The following USP40 variants were observed in gnomAD, a reference collection of about 807,000 sequenced individuals.
The protein encoded by USP40 is ubiquitin specific peptidase 40.
USP40 carries 143 observed loss-of-function variants against 166.2 expected under a neutral mutation model. That is an observed-to-expected ratio of 0.86 (90% CI 0.75 to 0.99). USP40 has a LOEUF of 0.99. Ranked by LOEUF, USP40 falls within the 50% of genes least tolerant of loss-of-function variation. The pLI is 0.00. For synonymous variants in USP40, 498 were observed against 524.0 expected (o/e 0.95, Z 0.68); for missense variants, 1,444 against 1,479.7 (o/e 0.98, Z 0.40).
intron 12 of USP40, among the ~76,000 whole-genome samples, chr2:233,528,610 T>C (rs1440643404): frequency 6.6e-6 from 1 of 152,188 alleles, no homozygotes; most frequent in African/African-American, 2.4e-5. Flanking sequence ...CCAGACCACT[T>C]ATGCAGGTTA....
Position 233,477,397 on chromosome 2 carries a change from T to A in USP40, c.3706A>T (p.Arg1236Ter), listed in dbSNP as rs771595874. 6.2e-7 allele frequency: 1 copy of A among 1,613,550 alleles called. No individual in the cohort carries two copies. The highest frequency in any genetic ancestry group is 8.5e-7 in the Non-Finnish European group (1 of 1,179,734). Residue 1236 changes from arginine (R) to a stop codon, truncating the protein, a stop_gained, in exon 32 of 32, where the codon AGA (arginine) becomes TGA (stop). Coordinates refer to ENST00000678225, the MANE Select transcript of USP40 (RefSeq NM_001365479.2). LOFTEE classifies it high-confidence loss of function. Reference protein sequence around the residue: ...TSLSIHVGSFR With the variant: ...TSLSIHVGSF The stretch of plus-strand genomic sequence containing the variant: ...AGAGCCGTGCAGCGGCGCGGTTATC[T>A]GAAGCTCCCCACGTGGATGGAGAGA...
At chr2:233,490,637 T>C (rs1264213065) in intron 26 of USP40, among the ~76,000 whole-genome samples, 1 of 152,212 alleles carries the variant, frequency 6.6e-6, no homozygotes, top group African/African-American at 2.4e-5. Context: ...CAACACTGCA[T>C]TGTGCTTAAT....
chr2:233,526,937 A>C (rs2125242748), intron 13 of USP40, among the ~76,000 whole-genome samples: 1 of 152,346 alleles, frequency 6.6e-6, no homozygotes, highest in East Asian at 1.9e-4. Flanking sequence ...AATGACTTGG[A>C]GACTACAGCA....
chr2:233,499,788 AT>A (rs976730635), intron 22 of USP40, 90 bp downstream of exon 22: 197 of 1,069,518 alleles, frequency 1.8e-4, no homozygotes, highest in Admixed American at 2.8e-4. Flanking sequence ...CACCCTATAA[AT>A]TTTTTTTTCC....
At chr2:233,541,112 G>C (rs545961335) in intron 9 of USP40, among the ~76,000 whole-genome samples, 5 of 152,144 alleles carry the variant, frequency 3.3e-5, no homozygotes, top group African/African-American at 9.7e-5. Flanking sequence ...GAAGAGATAC[G>C]TAAGTACAAA....
chr2:233,493,423 A>G lies in USP40; in HGVS notation c.2917+2T>C. 1 of 1,613,854 alleles carries G rather than the reference A, an allele frequency of 6.2e-7. No homozygotes were observed. Among genetic ancestry groups the G allele is most frequent in the Non-Finnish European group, 8.5e-7 (1 of 1,179,828 alleles). Reference sequence around the variant, plus strand: ...GCTGCTGAAATCCCATTCTGTTCTCACCTTGGCTGGAAGTGGCTCTCCAAA... The same window carrying G: ...GCTGCTGAAATCCCATTCTGTTCTCGCCTTGGCTGGAAGTGGCTCTCCAAA... On this transcript the variant is annotated splice_donor_variant, in intron 25 of 31. Transcript: ENST00000678225. LOFTEE classifies it high-confidence loss of function. This position sits in a 1 kb window ranked among gnomAD's most constrained non-coding sequence, Gnocchi z 4.7.
At chr2:233,500,616 A>C (rs958560592) in intron 21 of USP40, among the ~76,000 whole-genome samples, 18 of 152,274 alleles carry the variant, frequency 1.2e-4, no homozygotes, top group South Asian at 4.1e-4. Flanking sequence ...GGCAAAAAAA[A>C]CCCCACCAAA....
At chr2:233,504,949 C>T (rs1193935197) in intron 21 of USP40, among the ~76,000 whole-genome samples, 1 of 152,058 alleles carries the variant, frequency 6.6e-6, no homozygotes, top group Non-Finnish European at 1.5e-5. Context: ...ATAGAGCATA[C>T]ATTAGACCAC....
At chr2:233,537,407 A>G (rs1051761287) in intron 10 of USP40, among the ~76,000 whole-genome samples, 1 of 152,170 alleles carries the variant, frequency 6.6e-6, no homozygotes, top group Non-Finnish European at 1.5e-5. Flanking sequence ...TGAAGAAATA[A>G]TGGCCAAAAT....
chr2:233,560,257 C>G (rs923496434), intron 3 of USP40, among the ~76,000 whole-genome samples: 1 of 152,182 alleles, frequency 6.6e-6, no homozygotes, highest in Admixed American at 6.5e-5. Flanking sequence ...TAAAATACCT[C>G]TGATACACAC....
chr2:233,510,070 T>C lies in USP40; in HGVS notation c.2592A>G (p.Glu864=), dbSNP rs770626817. The C allele has an allele frequency of 1.2e-5, 19 of 1,596,330 alleles. No individual in the cohort carries two copies. Among genetic ancestry groups the C allele is most frequent in the Non-Finnish European group, 1.6e-5 (19 of 1,170,462 alleles). The change falls in exon 21 of 32, where the codon GAA becomes GAG. Residue 864 remains glutamate (E), a synonymous_variant. Transcript: ENST00000678225. ...TTACATCTCTCACAGATATTGTTTC[T>C]TCTACTACGATTTCCATTTCTGTCC... ...QPGTEMEIVV[E]ETISVRDCLK...
In USP40 at chr2:233,551,428, G is replaced by C. The variant is rs2070549482; in HGVS notation, c.785C>G (p.Thr262Ser). 2 of 1,612,760 alleles carry C rather than the reference G, an allele frequency of 1.2e-6. No homozygotes were observed. The highest frequency in any genetic ancestry group is 1.7e-6 in the Non-Finnish European group (2 of 1,179,444). The change falls in exon 7 of 32, where the codon ACT (threonine) becomes AGT (serine). Residue 262 changes from threonine to serine, a missense_variant. By Grantham distance (58) the Thr-to-Ser change is moderately conservative. Coordinates refer to ENST00000678225, the MANE Select transcript of USP40 (RefSeq NM_001365479.2). ...CCGGAGAGGGAATGTATAACAGCTA[G>C]TTTCCTTGTAGCGTTCGCATTTCAC... The part of the protein sequence containing the change: ...DFVKCERYKE[T>S]SCYTFPLRIN...
At chr2:233,491,584 C>T (rs1325881746) in intron 25 of USP40, among the ~76,000 whole-genome samples, 1 of 148,848 alleles carries the variant, frequency 6.7e-6, no homozygotes, top group Non-Finnish European at 1.5e-5. Flanking sequence ...CATCATAACA[C>T]TCATCCCAAC....
At chr2:233,562,896 A>G in intron 2 of USP40, 93 bp from the exon 3 acceptor site, 4 of 888,356 alleles carry the variant, frequency 4.5e-6, no homozygotes, top group African/African-American at 3.5e-5. Context: ...AGTAAAATCA[A>G]GTAGATTCAG....
rs2067209359 is a variant in USP40 at position 233,516,533 on chromosome 2, TA to T, written c.2383+3080del. On this transcript the variant is annotated intron_variant, in intron 18 of 31. Transcript: ENST00000678225. The stretch of plus-strand genomic sequence containing the variant: ...TAACACGGTGAAACCCTGTCTCCAC[TA>T]AAAATTAGCCGGGCCTGGTGGCGGG... 3.3e-5 allele frequency among the ~76,000 whole-genome samples: 5 copies of T among 151,514 alleles called. No homozygotes were observed. In the South Asian group the frequency reaches 1.0e-3, roughly 32 times the overall value.
rs375987122 is a variant in USP40, at chr2:233,562,796, T to C, written c.207A>G (p.Leu69=). 29 of 1,532,298 alleles carry C rather than the reference T, an allele frequency of 1.9e-5. No homozygotes were observed. The African/African-American group carries it at 3.2e-4, about 17-fold the overall frequency. The allele number at this position is 1,532,298 out of a possible 1,614,324, so 94.9% of individuals were successfully genotyped here. A position where few individuals can be genotyped will look rare whatever the true frequency, so the allele number is the denominator to read the frequency against. ...CAAGCTCTTCTGGGCCAAGAGAAAA[T>C]AGAGCTTCTAAAGAAAAAGGTAGAA... ...LHFTPEFREA[L]FSLGPEELGL... is the part of the protein sequence containing the mutation. The change falls in exon 3 of 32, where the codon CTA becomes CTG. Residue 69 remains leucine (L), a synonymous_variant. Transcript: ENST00000678225.
chr2:233,503,852 A>T (rs2066239450), intron 21 of USP40, among the ~76,000 whole-genome samples: 1 of 152,146 alleles, frequency 6.6e-6, no homozygotes, highest in African/African-American at 2.4e-5. Context: ...AGTATAGGTA[A>T]ATTCATAATC....
intron 2 of USP40, among the ~76,000 whole-genome samples, chr2:233,564,680 TAA>T (rs2071973666): frequency 6.6e-6 from 1 of 152,120 alleles, no homozygotes; most frequent in Non-Finnish European, 1.5e-5. Context: ...CCAGAGTTTA[TAA>T]AGATAATATG....
rs371510633 is a variant in USP40, at chr2:233,518,209, GT to G, written c.2383+1404del. 1.3e-3 allele frequency among the ~76,000 whole-genome samples: 122 copies of G among 97,462 alleles called. 1 individual carries two copies. Among genetic ancestry groups the G allele is most frequent in the African/African-American group, 3.3e-3 (85 of 25,606 alleles). The allele number at this position is 97,462 out of a possible 152,430, so 63.9% of individuals were successfully genotyped here. A position where few individuals can be genotyped will look rare whatever the true frequency, so the allele number is the denominator to read the frequency against. Reference sequence around the variant, plus strand: ...ACAATAAAAAATGTGCTCAAAATATGTTTTTTTTTTTAAAAGTCAAAACCAA... The same window carrying G: ...ACAATAAAAAATGTGCTCAAAATATGTTTTTTTTTTAAAAGTCAAAACCAA... On this transcript the variant is annotated intron_variant, in intron 18 of 31. Coordinates refer to ENST00000678225, the MANE Select transcript of USP40 (RefSeq NM_001365479.2).
Sources: gnomAD v4.1 joint callset for allele counts (sites outside exome capture counted in the v4.1 genomes callset) on GRCh38, gnomAD v4.1.1 for gene constraint, Gnocchi (gnomAD v3.1) non-coding constraint, MANE v1.5 for transcripts, NCBI Gene and HGNC (gene_info 2026-07-23, HGNC 2026-07-21) for gene names.